MBD5: variants seen among roughly 807,000 people sequenced by gnomAD.
MBD5 encodes the protein methyl-CpG binding domain protein 5.
Under a neutral mutation model 117.3 loss-of-function variants are expected in MBD5, and 13 were observed. That is an observed-to-expected ratio of 0.11 (90% CI 0.07 to 0.18). The LOEUF is 0.18. Ranked by LOEUF, MBD5 falls within the 10% of genes least tolerant of loss-of-function variation. The pLI is 1.00. For synonymous variants in MBD5, 727 were observed against 766.4 expected (o/e 0.95, Z 0.85); for missense variants, 1,879 against 2,093.8 (o/e 0.90, Z 2.00).
At chr2:148,174,206 G>A (rs758970685) in intron 1 of MBD5, among the ~76,000 whole-genome samples, 1 of 152,174 alleles carries the variant, frequency 6.6e-6, no homozygotes, top group African/African-American at 2.4e-5. Context: ...AATGGCAAAG[G>A]ATAGTCTCTT....
chr2:148,090,449 A>G (rs1419621291), intron 1 of MBD5, among the ~76,000 whole-genome samples: 1 of 152,142 alleles, frequency 6.6e-6, no homozygotes, highest in East Asian at 1.9e-4. Flanking sequence ...TCAACAGAAT[A>G]CTAGCAAACC....
intron 2 of MBD5, among the ~76,000 whole-genome samples, chr2:148,198,481 T>G (rs1331926414): frequency 6.6e-6 from 1 of 152,164 alleles, no homozygotes; most frequent in African/African-American, 2.4e-5. Context: ...TATTATGATA[T>G]CATAATATAT....
chr2:148,103,009 G>A (rs886840371), intron 1 of MBD5, among the ~76,000 whole-genome samples: 2 of 151,990 alleles, frequency 1.3e-5, no homozygotes, highest in East Asian at 3.9e-4. Flanking sequence ...ACCAAGAAAA[G>A]ATAGATGAAA....
At chr2:148,328,519 C>T (rs1702534582) in intron 3 of MBD5, among the ~76,000 whole-genome samples, 1 of 152,232 alleles carries the variant, frequency 6.6e-6, no homozygotes, top group South Asian at 2.1e-4. Flanking sequence ...ACCCTCCGAC[C>T]CAGGTGCAGG....
At chr2:148,362,382 G>A (rs1703566504) in intron 4 of MBD5, among the ~76,000 whole-genome samples, 2 of 152,150 alleles carry the variant, frequency 1.3e-5, no homozygotes, top group Admixed American at 1.3e-4. Context: ...AGTTCGAACT[G>A]GGCGGAGATC....
intron 3 of MBD5, among the ~76,000 whole-genome samples, chr2:148,295,228 A>G (rs1701620959): frequency 6.6e-6 from 1 of 152,032 alleles, no homozygotes; most frequent in African/African-American, 2.4e-5. Flanking sequence ...TCTGTTATTT[A>G]CTACATTCTT....
At chr2:148,253,670 G>A (rs937797096) in intron 3 of MBD5, among the ~76,000 whole-genome samples, 1 of 152,156 alleles carries the variant, frequency 6.6e-6, no homozygotes. Flanking sequence ...GAGGTCCGAG[G>A]GGAGTCAGTG....
Position 148,501,831 on chromosome 2 carries a change from G to A in MBD5, c.4963-605G>A, listed in dbSNP as rs1035885994. Among the ~76,000 whole-genome samples the A allele has an allele frequency of 2.6e-5, 4 of 152,290 alleles. No individual in the cohort carries two copies. The East Asian group carries it at 7.7e-4, about 29-fold the overall frequency. On this transcript the variant is annotated intron_variant, in intron 11 of 13. Coordinates refer to ENST00000642680, the MANE Select transcript of MBD5 (RefSeq NM_001378120.1). ...TTATGGCCTCTGCAGAGCCAAATGT[G>A]TACTAGGTCATGATCATTACTGTAT...
chr2:148,077,505 T>G (rs182519455), intron 1 of MBD5, among the ~76,000 whole-genome samples: 1 of 152,194 alleles, frequency 6.6e-6, no homozygotes, highest in East Asian at 1.9e-4. Context: ...TACATAGAAG[T>G]AGATTTTTAT....
chr2:148,477,123 G>GCC (rs1680991227), intron 8 of MBD5, among the ~76,000 whole-genome samples: 1 of 151,844 alleles, frequency 6.6e-6, no homozygotes, highest in African/African-American at 2.4e-5. Flanking sequence ...TTATGGGGAG[G>GCC]GGGGAAGAAA....
At chr2:148,070,924 T>C (rs1695334836) in intron 1 of MBD5, 1 of 151,830 alleles carries the variant, frequency 6.6e-6, no homozygotes, top group Non-Finnish European at 1.5e-5. Flanking sequence ...CAATCTCAGC[T>C]CACTGCAGCC....
chr2:148,338,114 A>T (rs114469360), intron 3 of MBD5, among the ~76,000 whole-genome samples: 1,552 of 152,280 alleles, frequency 0.01, 13 homozygotes, highest in African/African-American at 0.034. Context: ...CAGGGTTATT[A>T]CACTGAATAG....
intron 1 of MBD5, among the ~76,000 whole-genome samples, chr2:148,113,395 A>G (rs1473236417): frequency 6.6e-6 from 1 of 152,074 alleles, no homozygotes; most frequent in Non-Finnish European, 1.5e-5. Flanking sequence ...TCTAACTTAT[A>G]CTATTGATAT....
chr2:148,103,539 A>G lies in MBD5; in HGVS notation c.-924-75161A>G, dbSNP rs1056118293. On this transcript the variant is annotated intron_variant, in intron 1 of 13. Coordinates refer to ENST00000642680, the MANE Select transcript of MBD5 (RefSeq NM_001378120.1). ...ACGCAACCTGTTGATGTTGCGATAC[A>G]TGCTACATGCTAAGTAGGCAAATTG... 6.6e-5 allele frequency among the ~76,000 whole-genome samples: 10 copies of G among 152,284 alleles called. No homozygotes were observed. In the East Asian group the frequency reaches 1.2e-3, roughly 18 times the overall value.
intron 12 of MBD5, among the ~76,000 whole-genome samples, chr2:148,508,483 G>A (rs1026451131): frequency 4.6e-5 from 7 of 151,780 alleles, no homozygotes; most frequent in Middle Eastern, 3.4e-3. Flanking sequence ...GAAGGTGAGG[G>A]AAAATGGGAC....
intron 3 of MBD5, among the ~76,000 whole-genome samples, chr2:148,242,049 G>C (rs1483815773): frequency 6.6e-6 from 1 of 152,058 alleles, no homozygotes; most frequent in African/African-American, 2.4e-5. Context: ...TCCTGGTTCT[G>C]CTGTTTATTA....
chr2:148,412,184 G>T (rs1220239743), intron 4 of MBD5, among the ~76,000 whole-genome samples: 1 of 151,422 alleles, frequency 6.6e-6, no homozygotes, highest in Non-Finnish European at 1.5e-5. Context: ...TTTACTTCTG[G>T]GCTCTCTATT....
intron 1 of MBD5, among the ~76,000 whole-genome samples, chr2:148,169,855 C>T (rs1698217213): frequency 6.6e-6 from 1 of 151,130 alleles, no homozygotes; most frequent in African/African-American, 2.4e-5. Context: ...TCCTTTGGTT[C>T]TTTGTTCCTG....
chr2:148,512,719 C>G, intron 13 of MBD5, 151 bp from the exon 14 acceptor site: 1 of 727,660 alleles, frequency 1.4e-6, no homozygotes, highest in Non-Finnish European at 2.4e-6. Context: ...CATCTGGGGT[C>G]TTGGTAAACA....
Sources: gnomAD v4.1 joint callset for allele counts (sites outside exome capture counted in the v4.1 genomes callset) on GRCh38, gnomAD v4.1.1 for gene constraint, MANE v1.5 for transcripts, NCBI Gene and HGNC (gene_info 2026-07-23, HGNC 2026-07-21) for gene names.